SLC39A3: variants seen among roughly 807,000 people sequenced by gnomAD.
The protein encoded by SLC39A3 is zinc transporter ZIP3.
A neutral mutation model predicts 5.1 loss-of-function variants in SLC39A3; 3 were observed. That is an observed-to-expected ratio of 0.59 (90% CI 0.27 to 1.54). The LOEUF is 1.54. SLC39A3 is among the 40% of genes most tolerant of loss of function. The probability of loss-of-function intolerance (pLI) is 0.12; values close to 1 mark genes in which losing one functional copy is unlikely to be tolerated. For missense variants in SLC39A3, 412 were observed against 436.4 expected, an observed-to-expected ratio of 0.94 and a Z score of 0.50; for synonymous variants, 250 against 218.8, an observed-to-expected ratio of 1.14 and a Z score of -1.26.
In SLC39A3 at chr19:2,734,091, G is replaced by C. The variant is rs1599484361; in HGVS notation, c.211-606C>G. Among the ~76,000 whole-genome samples the C allele has an allele frequency of 6.6e-6, 1 of 152,348 alleles. No homozygotes were observed. The highest frequency in any genetic ancestry group is 1.9e-4 in the East Asian group (1 of 5,178). ...ACTTTGGTGGGGAGAAACTAGACGT[G>C]GGTCAGACGGGAGCCGCAGGGCGTC... On this transcript the variant is annotated intron_variant, in intron 2 of 2. Coordinates refer to ENST00000269740, the MANE Select transcript of SLC39A3 (RefSeq NM_144564.5). The surrounding 1 kb of genome is among the most constrained non-coding windows in gnomAD (Gnocchi z 4.6).
chr19:2,737,585 T>C (rs1241477696), intron 1 of SLC39A3: 5 of 299,376 alleles, frequency 1.7e-5, no homozygotes, highest in Admixed American at 4.9e-5. Flanking sequence ...TTTTTTGTAT[T>C]TGTAGTAGAG....
rs1914321952 is a variant in SLC39A3, at chr19:2,735,158, G to A, written c.211-1673C>T. 1.0e-6 allele frequency: 1 copy of A among 985,442 alleles called. No individual in the cohort carries two copies. Among genetic ancestry groups the A allele is most frequent in the Non-Finnish European group, 1.2e-6 (1 of 829,936 alleles). The allele number at this position is 985,442 out of a possible 1,614,324, so 61.0% of individuals were successfully genotyped here. On this transcript the variant is annotated intron_variant, in intron 2 of 2. Coordinates refer to ENST00000269740, the MANE Select transcript of SLC39A3 (RefSeq NM_144564.5). The surrounding 1 kb of genome is among the most constrained non-coding windows in gnomAD (Gnocchi z 5.7). ...CGGGGGTGACACCATGACCATGGGG[G>A]AAAAGGGGGGCTGGCAGTGGCCTCT...
At position 2,733,559 on chromosome 19, in the gene SLC39A3, T is replaced by TCA; in HGVS notation, c.211-76_211-75dup. The stretch of plus-strand genomic sequence containing the variant: ...TGGCGGCGACAGGGCTGGCCAGATG[T>TCA]CACCGTTCAAAGCAAAGTCCAGAAA... On this transcript the variant is annotated intron_variant, in intron 2 of 2. Transcript: ENST00000269740. The surrounding 1 kb of genome is among the most constrained non-coding windows in gnomAD (Gnocchi z 6.1). 4 of 1,518,622 alleles carry TCA rather than the reference T, an allele frequency of 2.6e-6. No individual in the cohort carries two copies. Among genetic ancestry groups the TCA allele is most frequent in the Non-Finnish European group, 3.5e-6 (4 of 1,136,228 alleles). 94.1% of individuals were successfully genotyped at this position (1,518,622 alleles called of 1,614,324 possible).
Position 2,739,979 on chromosome 19 carries a change from C to A in SLC39A3, c.-157G>T, listed in dbSNP as rs1434317081. The stretch of plus-strand genomic sequence containing the variant: ...GCCCCTCGTCCGCCGACTGGCGCCG[C>A]TGCACGCCCAACGGCCGCGCAGTCT... On this transcript the variant is annotated 5_prime_UTR_variant, in exon 1 of 3. Coordinates refer to ENST00000269740, the MANE Select transcript of SLC39A3 (RefSeq NM_144564.5). The A allele has an allele frequency of 6.6e-6, 1 of 152,348 alleles. No individual in the cohort carries two copies. The highest frequency in any genetic ancestry group is 6.5e-5 in the Admixed American group (1 of 15,280). The allele number at this position is 152,348 out of a possible 1,614,324, so 9.4% of individuals were successfully genotyped here.
Position 2,734,591 on chromosome 19 carries a change from T to C in SLC39A3, c.211-1106A>G, listed in dbSNP as rs150898626. Reference sequence around the variant, plus strand: ...GAAGGTGCTGACATTCGGGGCTGGATTGTTCTCTGGGACGGGGCCGTCCTG... The same window carrying C: ...GAAGGTGCTGACATTCGGGGCTGGACTGTTCTCTGGGACGGGGCCGTCCTG... On this transcript the variant is annotated intron_variant, in intron 2 of 2. Coordinates refer to ENST00000269740, the MANE Select transcript of SLC39A3 (RefSeq NM_144564.5). This position sits in a 1 kb window ranked among gnomAD's most constrained non-coding sequence, Gnocchi z 4.6. The C allele has an allele frequency of 1.9e-3, 499 of 264,874 alleles. 3 individuals are homozygous for C. Among genetic ancestry groups the C allele is most frequent in the South Asian group, 6.6e-3 (46 of 6,980 alleles). 16.4% of individuals were successfully genotyped at this position (264,874 alleles called of 1,614,324 possible). A position where few individuals can be genotyped will look rare whatever the true frequency, so the allele number is the denominator to read the frequency against.
intron 1 of SLC39A3, among the ~76,000 whole-genome samples, chr19:2,739,099 C>CAAAA (rs76854834): frequency 3.0e-4 from 9 of 30,314 alleles, no homozygotes; most frequent in Middle Eastern, 0.02. Context: ...GACTCCGTCT[C>CAAAA]AAAAAAAAAA....
chr19:2,735,897 C>T lies in SLC39A3; in HGVS notation c.210+1151G>A, dbSNP rs1053958749. On this transcript the variant is annotated intron_variant, in intron 2 of 2. Coordinates refer to ENST00000269740, the MANE Select transcript of SLC39A3 (RefSeq NM_144564.5). The surrounding 1 kb of genome is among the most constrained non-coding windows in gnomAD (Gnocchi z 5.7). ...TCTCCTCCTTTCTGGACACTAGGCA[C>T]GAGGAAAAGCAGGGCCAGGGGTTGG... 28 of 985,354 alleles carry T rather than the reference C, an allele frequency of 2.8e-5. No homozygotes were observed. The highest frequency in any genetic ancestry group is 1.1e-4 in the East Asian group (1 of 8,826). 61.0% of individuals were successfully genotyped at this position (985,354 alleles called of 1,614,324 possible). A position where few individuals can be genotyped will look rare whatever the true frequency, so the allele number is the denominator to read the frequency against.
chr19:2,737,328 T>G lies in SLC39A3; in HGVS notation c.-71A>C. The G allele has an allele frequency of 1.3e-6, 2 of 1,514,182 alleles. No homozygotes were observed. Among genetic ancestry groups the G allele is most frequent in the East Asian group, 2.5e-5 (1 of 40,736 alleles). 93.8% of individuals were successfully genotyped at this position (1,514,182 alleles called of 1,614,324 possible). A position where few individuals can be genotyped will look rare whatever the true frequency, so the allele number is the denominator to read the frequency against. On this transcript the variant is annotated 5_prime_UTR_variant, in exon 2 of 3. Coordinates refer to ENST00000269740, the MANE Select transcript of SLC39A3 (RefSeq NM_144564.5). ...GTGGGCGCACACCCAAGTCCCACGA[T>G]GTGCTACCGAGCCCAACCACACAGT...
At chr19:2,736,075 G>A in intron 2 of SLC39A3, 1 of 985,608 alleles carries the variant, frequency 1.0e-6, no homozygotes, top group Non-Finnish European at 1.2e-6. Context: ...CAGCAAGCAT[G>A]GCCAGGGCTG....
In SLC39A3 at chr19:2,735,841, C is replaced by T. The variant is rs1193072102; in HGVS notation, c.210+1207G>A. The T allele has an allele frequency of 7.1e-6, 7 of 985,418 alleles. No homozygotes were observed. The highest frequency in any genetic ancestry group is 1.7e-5 in the African/African-American group (1 of 57,218). 61.0% of individuals were successfully genotyped at this position (985,418 alleles called of 1,614,324 possible). A position where few individuals can be genotyped will look rare whatever the true frequency, so the allele number is the denominator to read the frequency against. Reference sequence around the variant, plus strand: ...AACTCTACTCTGCCACACTAACAGGCTCAGATGATTTAATCCCAGACAACA... The same window carrying T: ...AACTCTACTCTGCCACACTAACAGGTTCAGATGATTTAATCCCAGACAACA... On this transcript the variant is annotated intron_variant, in intron 2 of 2. Transcript: ENST00000269740. The surrounding 1 kb of genome is among the most constrained non-coding windows in gnomAD (Gnocchi z 5.7).
In SLC39A3 at chr19:2,737,387, C is replaced by T; in HGVS notation, c.-122-8G>A. The T allele has an allele frequency of 7.0e-7, 1 of 1,421,616 alleles. No homozygotes were observed. Among genetic ancestry groups the T allele is most frequent in the South Asian group, 1.5e-5 (1 of 67,014 alleles). 88.1% of individuals were successfully genotyped at this position (1,421,616 alleles called of 1,614,324 possible). On this transcript the variant is annotated splice_region_variant and splice_polypyrimidine_tract_variant and intron_variant, in intron 1 of 2. Transcript: ENST00000269740. ...CATGTCTCAGTCCAGCAACTGTGAACATCAGGGGCACTGCATTAGCTTTCT... is the reference window on the plus strand; with the variant it reads ...CATGTCTCAGTCCAGCAACTGTGAATATCAGGGGCACTGCATTAGCTTTCT...
At position 2,737,107 on chromosome 19, in the gene SLC39A3, C is replaced by A. The variant is rs758815085; in HGVS notation, c.151G>T (p.Gly51Ter). The A allele has an allele frequency of 6.2e-7, 1 of 1,614,174 alleles. No homozygotes were observed. Among genetic ancestry groups the A allele is most frequent in the East Asian group, 2.2e-5 (1 of 44,872 alleles). The change falls in exon 2 of 3, where the codon GGA becomes TGA. Residue 51 changes from glycine to a stop codon, truncating the protein, a stop_gained. Coordinates refer to ENST00000269740, the MANE Select transcript of SLC39A3 (RefSeq NM_144564.5). LOFTEE classifies it high-confidence loss of function. Reference protein sequence around the residue: ...KKILSLCNTFGGGVFLATCFN... With the variant: ...KKILSLCNTF ...CACGTGGCCAGAAACACCCCTCCTC[C>A]AAAGGTGTTGCAGAGAGAGAGGATC...
At chr19:2,738,559 C>A (rs1465309759) in intron 1 of SLC39A3, among the ~76,000 whole-genome samples, 1 of 152,162 alleles carries the variant, frequency 6.6e-6, no homozygotes, top group African/African-American at 2.4e-5. Context: ...TTTCCCCTGA[C>A]CTTCCAGCGA....
At chr19:2,739,076 G>T (rs373776386) in intron 1 of SLC39A3, among the ~76,000 whole-genome samples, 145 of 145,036 alleles carry the variant, frequency 1.0e-3, no homozygotes, top group African/African-American at 3.7e-3. Flanking sequence ...CTCCAGCCTG[G>T]GCTGCAGAGC....
At position 2,739,168 on chromosome 19, in the gene SLC39A3, A is replaced by G. The variant is rs139035949; in HGVS notation, c.-123+777T>C. Among the ~76,000 whole-genome samples, 959 of 151,172 alleles carry G rather than the reference A, an allele frequency of 6.3e-3. 4 individuals are homozygous for G. The highest frequency in any genetic ancestry group is 0.01 in the Non-Finnish European group (691 of 67,866). On this transcript the variant is annotated intron_variant, in intron 1 of 2. Transcript: ENST00000269740. ...CTGGCTGACTCCTGCCCTAAACCAT[A>G]TCCCTGTACCCGCCGGAAGGCCTGC...
chr19:2,739,258 A>G (rs991742186), intron 1 of SLC39A3, among the ~76,000 whole-genome samples: 3 of 152,088 alleles, frequency 2.0e-5, no homozygotes, highest in African/African-American at 7.2e-5. Context: ...GTGGCCACTG[A>G]TAAGGGCCGC....
intron 1 of SLC39A3, chr19:2,739,443 G>A (rs770294023): frequency 5.9e-5 from 9 of 152,198 alleles, no homozygotes; most frequent in Non-Finnish European, 8.8e-5. Flanking sequence ...ACTGCATTCA[G>A]GTCTTCGGGT....
In SLC39A3 at chr19:2,736,419, G is replaced by A. The variant is rs572382441; in HGVS notation, c.210+629C>T. 27 of 189,222 alleles carry A rather than the reference G, an allele frequency of 1.4e-4. No individual in the cohort carries two copies. In the South Asian group the frequency reaches 2.7e-3, roughly 19 times the overall value. 11.7% of individuals were successfully genotyped at this position (189,222 alleles called of 1,614,324 possible). ...TGATGAAGGAACTGATCATGCTGGG[G>A]AGGTCCACGTGGCCAGGCTCTGAGG... On this transcript the variant is annotated intron_variant, in intron 2 of 2. Coordinates refer to ENST00000269740, the MANE Select transcript of SLC39A3 (RefSeq NM_144564.5).
In SLC39A3 at chr19:2,732,719, G is replaced by A; in HGVS notation, c.*32C>T. 1 of 1,511,524 alleles carries A rather than the reference G, an allele frequency of 6.6e-7. No homozygotes were observed. The highest frequency in any genetic ancestry group is 2.3e-5 in the East Asian group (1 of 42,680). The allele number at this position is 1,511,524 out of a possible 1,614,324, so 93.6% of individuals were successfully genotyped here. A position where few individuals can be genotyped will look rare whatever the true frequency, so the allele number is the denominator to read the frequency against. ...TGTGTCCGGCCCGGGGCTCCCGGCGGGCTCCGGCGGCAGGGACAATGGCGA... is the reference window on the plus strand; with the variant it reads ...TGTGTCCGGCCCGGGGCTCCCGGCGAGCTCCGGCGGCAGGGACAATGGCGA... On this transcript the variant is annotated 3_prime_UTR_variant, in exon 3 of 3. Coordinates refer to ENST00000269740, the MANE Select transcript of SLC39A3 (RefSeq NM_144564.5).
Sources: gnomAD v4.1 joint callset for allele counts (sites outside exome capture counted in the v4.1 genomes callset) on GRCh38, gnomAD v4.1.1 for gene constraint, Gnocchi (gnomAD v3.1) non-coding constraint, MANE v1.5 for transcripts, NCBI Gene and HGNC (gene_info 2026-07-23, HGNC 2026-07-21) for gene names.